RHOH: variants seen among roughly 807,000 people sequenced by gnomAD.
The protein encoded by RHOH is rho-related GTP-binding protein RhoH.
Under a neutral mutation model 13.8 loss-of-function variants are expected in RHOH, and 6 were observed. That is an observed-to-expected ratio of 0.44 (90% CI 0.24 to 0.86). The LOEUF (loss-of-function observed/expected upper bound fraction) is 0.86, where lower values mean the gene tolerates loss of function less well. Among genes scored for constraint, RHOH ranks in the 40% least tolerant of loss-of-function variants. The probability of loss-of-function intolerance (pLI) is 0.24; values close to 1 mark genes in which losing one functional copy is unlikely to be tolerated. For synonymous variants in RHOH, 117 were observed against 103.0 expected, an observed-to-expected ratio of 1.14 and a Z score of -0.82; for missense variants, 147 against 244.5, an observed-to-expected ratio of 0.60 and a Z score of 2.66.
intron 1 of RHOH, among the ~76,000 whole-genome samples, chr4:40,200,996 C>T (rs1723900454): frequency 6.6e-6 from 1 of 152,224 alleles, no homozygotes. Context: ...TCTCGTAAAA[C>T]TGAAGTCACA....
At chr4:40,197,540 T>A (rs2109341383) in intron 1 of RHOH, among the ~76,000 whole-genome samples, 1 of 152,330 alleles carries the variant, frequency 6.6e-6, no homozygotes, top group Middle Eastern at 3.4e-3. Flanking sequence ...GTTGGCTTTT[T>A]GGTTTTCCAG....
At chr4:40,229,423 G>A (rs894712188) in intron 1 of RHOH, among the ~76,000 whole-genome samples, 1 of 152,012 alleles carries the variant, frequency 6.6e-6, no homozygotes, top group African/African-American at 2.4e-5. Context: ...ATCACCTGAG[G>A]TCGGGAGTTT....
intron 1 of RHOH, among the ~76,000 whole-genome samples, chr4:40,203,369 G>A (rs1160094252): frequency 6.9e-4 from 105 of 152,300 alleles, no homozygotes; most frequent in Non-Finnish European, 2.6e-4. Flanking sequence ...ATTCTGATAC[G>A]GTTGGTCTAG....
At chr4:40,201,228 G>A (rs1579228700) in intron 1 of RHOH, among the ~76,000 whole-genome samples, 1 of 152,042 alleles carries the variant, frequency 6.6e-6, no homozygotes, top group African/African-American at 2.4e-5. Context: ...ATTCAACCCG[G>A]ACAGGTGTTA....
chr4:40,207,248 G>A (rs750590918), intron 1 of RHOH, among the ~76,000 whole-genome samples: 8 of 150,848 alleles, frequency 5.3e-5, no homozygotes, highest in Admixed American at 1.3e-4. Context: ...TTTCCTCCAC[G>A]ATGTGCAAAA....
rs141889910 is a variant in RHOH, at chr4:40,204,989, G to A, written c.-331+7689G>A. Reference sequence around the variant, plus strand: ...ACAAGAAATGCAGGCAGGGCCGGGCGAGGTGGCTCACACTTGTAATCCCAG... The same window carrying A: ...ACAAGAAATGCAGGCAGGGCCGGGCAAGGTGGCTCACACTTGTAATCCCAG... On this transcript the variant is annotated intron_variant, in intron 1 of 2. Transcript: ENST00000381799. 3.3e-3 allele frequency among the ~76,000 whole-genome samples: 508 copies of A among 152,152 alleles called. 2 individuals are homozygous for A. Among genetic ancestry groups the A allele is most frequent in the Non-Finnish European group, 4.3e-3 (295 of 67,990 alleles).
chr4:40,231,313 A>G (rs909251365), intron 1 of RHOH, among the ~76,000 whole-genome samples: 2 of 127,534 alleles, frequency 1.6e-5, no homozygotes, highest in Admixed American at 2.0e-4. Context: ...ACCTATTCTT[A>G]GGTGATTTTT....
chr4:40,219,380 C>T (rs28750090), intron 1 of RHOH, among the ~76,000 whole-genome samples: 12,646 of 146,670 alleles, frequency 0.086, 796 homozygotes, highest in East Asian at 0.36. Flanking sequence ...CCACTGCACT[C>T]CAGCTTGGGG....
chr4:40,223,895 C>T (rs559113673), intron 1 of RHOH, among the ~76,000 whole-genome samples: 1 of 151,722 alleles, frequency 6.6e-6, no homozygotes, highest in South Asian at 2.1e-4. Context: ...GCCTCAGCCT[C>T]CCAAGTAGCT....
chr4:40,219,480 C>T (rs1159630490), intron 1 of RHOH, among the ~76,000 whole-genome samples: 1 of 150,806 alleles, frequency 6.6e-6, no homozygotes, highest in Non-Finnish European at 1.5e-5. Context: ...CATGTGGATT[C>T]ATGTAATAAT....
At chr4:40,207,705 G>A (rs1470415234) in intron 1 of RHOH, among the ~76,000 whole-genome samples, 1 of 152,212 alleles carries the variant, frequency 6.6e-6, no homozygotes, top group African/African-American at 2.4e-5. Flanking sequence ...TGTGGCTCAC[G>A]CCTGTAATCC....
chr4:40,217,130 A>C (rs1725984175), intron 1 of RHOH, among the ~76,000 whole-genome samples: 1 of 152,220 alleles, frequency 6.6e-6, no homozygotes. Flanking sequence ...ATGAGTGAGA[A>C]GGGAACTTAC....
intron 1 of RHOH, among the ~76,000 whole-genome samples, chr4:40,212,113 T>A (rs1219663895): frequency 1.3e-5 from 2 of 152,224 alleles, no homozygotes; most frequent in African/African-American, 2.4e-5. Context: ...AACTGCTTTA[T>A]AAATTATGAA....
intron 1 of RHOH, among the ~76,000 whole-genome samples, chr4:40,225,935 GC>G (rs1727174032): frequency 1.3e-5 from 2 of 152,200 alleles, no homozygotes; most frequent in African/African-American, 4.8e-5. Context: ...ACTTCTCTGT[GC>G]CCTAGTTCCC....
intron 1 of RHOH, among the ~76,000 whole-genome samples, chr4:40,238,790 A>G (rs1157334067): frequency 2.0e-5 from 3 of 152,200 alleles, no homozygotes; most frequent in Non-Finnish European, 4.4e-5. Flanking sequence ...ACGAAGAGAC[A>G]TACTTGGGCC....
intron 1 of RHOH, among the ~76,000 whole-genome samples, chr4:40,199,918 C>A (rs2109352678): frequency 6.6e-6 from 1 of 152,276 alleles, no homozygotes; most frequent in African/African-American, 2.4e-5. Context: ...GCAAATCCAC[C>A]TGGCATGTTA....
At chr4:40,202,183 G>A (rs772166335) in intron 1 of RHOH, among the ~76,000 whole-genome samples, 8 of 151,946 alleles carry the variant, frequency 5.3e-5, no homozygotes, top group Non-Finnish European at 7.4e-5. Context: ...CTGGGATCAA[G>A]TGATCCTCCT....
intron 1 of RHOH, among the ~76,000 whole-genome samples, chr4:40,217,075 G>T (rs922637926): frequency 2.0e-5 from 3 of 152,306 alleles, no homozygotes; most frequent in African/African-American, 7.2e-5. Flanking sequence ...TTAAAAAATT[G>T]TTTTGAGTGG....
rs79776046 is a variant in RHOH, at chr4:40,238,784, A to C, written c.-330-3930A>C. The stretch of plus-strand genomic sequence containing the variant: ...ACGCTCTCGTAACTCTTCCGTACGA[A>C]GAGACATACTTGGGCCACTCTTGCC... On this transcript the variant is annotated intron_variant, in intron 1 of 2. Transcript: ENST00000381799. Among the ~76,000 whole-genome samples, 927 of 152,328 alleles carry C rather than the reference A, an allele frequency of 6.1e-3. 25 individuals are homozygous for C. The highest frequency in any genetic ancestry group is 0.056 in the East Asian group (292 of 5,178).
Sources: allele counts gnomAD v4.1 joint callset (sites outside exome capture counted in the v4.1 genomes callset), GRCh38; gene constraint gnomAD v4.1.1; transcripts MANE v1.5; gene names NCBI Gene and HGNC (gene_info 2026-07-23, HGNC 2026-07-21).